MRPL34: variants seen among roughly 807,000 people sequenced by gnomAD.
The protein encoded by MRPL34 is mitochondrial ribosomal protein L34.
Under a neutral mutation model 6.7 loss-of-function variants are expected in MRPL34, and 8 were observed. The ratio of observed to expected loss-of-function variants is 1.20; its 90% CI spans 0.70 to 2.16. The LOEUF (loss-of-function observed/expected upper bound fraction) is 2.16, where lower values mean the gene tolerates loss of function less well. MRPL34 is among the 30% of genes most tolerant of loss of function. The probability of loss-of-function intolerance (pLI) is 0.00; values close to 1 mark genes in which losing one functional copy is unlikely to be tolerated. For synonymous variants in MRPL34, 59 were observed against 55.1 expected (o/e 1.07, Z -0.31); for missense variants, 146 against 125.5 (o/e 1.16, Z -0.78).
upstream of MRPL34, chr19:17,301,106 C>A (rs1174711087): frequency 6.2e-7 from 1 of 1,613,314 alleles, no homozygotes; most frequent in East Asian, 2.2e-5. Context: ...GCCTGGGCGC[C>A]TTTGCAGCTA....
upstream of MRPL34, chr19:17,301,389 G>C: frequency 6.2e-7 from 1 of 1,611,686 alleles, no homozygotes; most frequent in South Asian, 1.1e-5. Context: ...GCTGACAGCG[G>C]ACCAAGCCGG....
At chr19:17,294,211 C>A (rs982175884) in intron 1 of MRPL34, 4 of 1,511,406 alleles carry the variant, frequency 2.6e-6, no homozygotes, top group Non-Finnish European at 3.6e-6. Flanking sequence ...GCTACCACGC[C>A]CCCCGCAGAG....
upstream of MRPL34, chr19:17,305,853 G>A (rs1163091208): frequency 2.5e-6 from 4 of 1,604,342 alleles, no homozygotes; most frequent in Admixed American, 3.3e-5. Context: ...TCTGGGCTCC[G>A]GAATCGCCCG....
chr19:17,292,941 C>T, intron 1 of MRPL34: 2 of 1,237,718 alleles, frequency 1.6e-6, no homozygotes, highest in Admixed American at 2.6e-5. Context: ...AAAAGTCCCT[C>T]CTCCCATCTA....
At chr19:17,303,750 C>G (rs185530171), upstream of MRPL34, among the ~76,000 whole-genome samples, 1 of 152,206 alleles carries the variant, frequency 6.6e-6, no homozygotes, top group Non-Finnish European at 1.5e-5. Flanking sequence ...CCCTGTTCCT[C>G]TCCAAACGAG....
intron 1 of MRPL34, chr19:17,294,254 T>G: frequency 1.3e-6 from 2 of 1,585,640 alleles, no homozygotes. Flanking sequence ...CCCTGGGGAT[T>G]TGTAGCTGTG....
At chr19:17,300,279 C>A (rs1263786527), upstream of MRPL34, among the ~76,000 whole-genome samples, 1 of 151,756 alleles carries the variant, frequency 6.6e-6, no homozygotes, top group African/African-American at 2.4e-5. Context: ...GATCACAGTT[C>A]ACTGCAGCCT....
intron 1 of MRPL34, chr19:17,294,395 GC>G: frequency 1.2e-6 from 2 of 1,614,060 alleles, no homozygotes; most frequent in Non-Finnish European, 1.7e-6. Flanking sequence ...TCGCCCTCGG[GC>G]CAGTACTGGC....
chr19:17,304,647 C>CCT (rs2074137411), upstream of MRPL34, among the ~76,000 whole-genome samples: 1 of 152,164 alleles, frequency 6.6e-6, no homozygotes, highest in African/African-American at 2.4e-5. Flanking sequence ...TTAGCAAACA[C>CCT]CTCTCTGCAT....
upstream of MRPL34, among the ~76,000 whole-genome samples, chr19:17,299,695 T>C (rs112767984): frequency 1.9e-3 from 294 of 151,964 alleles, 1 homozygote; most frequent in African/African-American, 6.9e-3. Flanking sequence ...CATAGTGAGA[T>C]GCCATCTCTA....
chr19:17,299,234 AC>A (rs34604672), upstream of MRPL34, among the ~76,000 whole-genome samples: 58 of 128,892 alleles, frequency 4.5e-4, 2 homozygotes, highest in East Asian at 2.8e-3. Flanking sequence ...ACATAATGAG[AC>A]CCCCCCCCCA....
chr19:17,300,912 T>C, upstream of MRPL34: 1 of 1,608,812 alleles, frequency 6.2e-7, no homozygotes, highest in Non-Finnish European at 8.5e-7. Context: ...TGAAGATTGC[T>C]CGCATGTCCT....
At chr19:17,301,374 C>G, upstream of MRPL34, 1 of 1,611,118 alleles carries the variant, frequency 6.2e-7, no homozygotes, top group Non-Finnish European at 8.5e-7. Context: ...ACACGGTGAT[C>G]CGGCGCTGAC....
chr19:17,300,393 A>C (rs1475343224), upstream of MRPL34, among the ~76,000 whole-genome samples: 1 of 151,834 alleles, frequency 6.6e-6, no homozygotes, highest in Non-Finnish European at 1.5e-5. Flanking sequence ...TTGTAGAGCT[A>C]GGGGGTTCTC....
upstream of MRPL34, chr19:17,301,318 C>T (rs763907147): frequency 6.2e-6 from 10 of 1,607,452 alleles, no homozygotes; most frequent in Non-Finnish European, 7.6e-6. Flanking sequence ...GAGGTCGGCT[C>T]GAGGGGCTCG....
At chr19:17,294,347 G>C (rs2074084027) in intron 1 of MRPL34, 3 of 1,613,000 alleles carry the variant, frequency 1.9e-6, no homozygotes, top group Non-Finnish European at 2.5e-6. Context: ...CCGTGGACAA[G>C]CAGGACGGGC....
At chr19:17,300,917 T>A (rs1459777077), upstream of MRPL34, 1 of 1,610,222 alleles carries the variant, frequency 6.2e-7, no homozygotes, top group Non-Finnish European at 8.5e-7. Context: ...ATTGCTCGCA[T>A]GTCCTCAGCC....
rs770384675 is a variant in MRPL34 at position 17,292,713 on chromosome 19, G to T, written c.73G>T (p.Glu25Ter). ...CAGTGGCTCCGGTAGAGCCTTGGGC[G>T]AGGGCTCGGGCTCCCAGAGCAGGAA... Residue 25 changes from glutamate (E) to a stop codon, truncating the protein, a stop_gained, in exon 1 of 3, where the codon GAG becomes TAG. Transcript: ENST00000595444. LOFTEE classifies it high-confidence loss of function. The T allele has an allele frequency of 1.4e-5, 22 of 1,613,304 alleles. No individual in the cohort carries two copies. The Admixed American group carries it at 1.8e-4, about 13-fold the overall frequency.
upstream of MRPL34, chr19:17,301,098 C>G (rs1223167732): frequency 6.2e-7 from 1 of 1,613,294 alleles, no homozygotes; most frequent in African/African-American, 1.3e-5. Context: ...CCACGTCGGC[C>G]TGGGCGCCTT....
Sources: gnomAD v4.1 joint callset for allele counts (sites outside exome capture counted in the v4.1 genomes callset) on GRCh38, gnomAD v4.1.1 for gene constraint, MANE v1.5 for transcripts, NCBI Gene and HGNC (gene_info 2026-07-23, HGNC 2026-07-21) for gene names.